The following EGFLAM variants were observed in gnomAD, a reference collection of about 807,000 sequenced individuals.
EGFLAM encodes the protein EGF like, fibronectin type III and laminin G domains.
A neutral mutation model predicts 113.1 loss-of-function variants in EGFLAM; 79 were observed. That is an observed-to-expected ratio of 0.70 (90% CI 0.58 to 0.84). The LOEUF is 0.84. EGFLAM is among the 40% of genes least tolerant of loss of function. The pLI is 0.00. For missense variants in EGFLAM, 1,265 were observed against 1,291.6 expected, an observed-to-expected ratio of 0.98 and a Z score of 0.32; for synonymous variants, 504 against 487.6, an observed-to-expected ratio of 1.03 and a Z score of -0.44.
intron 2 of EGFLAM, 70 bp from the exon 3 acceptor site, chr5:38,338,628 T>A: frequency 4.2e-6 from 6 of 1,435,890 alleles, no homozygotes; most frequent in Non-Finnish European, 4.9e-6. Flanking sequence ...CCACTGTGAG[T>A]GCAATTACAA....
chr5:38,268,401 G>A (rs1008434169), intron 1 of EGFLAM, among the ~76,000 whole-genome samples: 5 of 102,274 alleles, frequency 4.9e-5, no homozygotes, highest in African/African-American at 2.5e-4. Flanking sequence ...AGAAAAAGAA[G>A]TCTTGTGAGA....
chr5:38,359,916 T>C (rs982466494), intron 5 of EGFLAM, among the ~76,000 whole-genome samples: 1 of 152,162 alleles, frequency 6.6e-6, no homozygotes, highest in Non-Finnish European at 1.5e-5. Context: ...GAATTCATCT[T>C]CACACGGGGC....
intron 16 of EGFLAM, 92 bp from the exon 17 acceptor site, chr5:38,438,182 TG>T: frequency 7.3e-7 from 1 of 1,374,774 alleles, no homozygotes. Flanking sequence ...AATCTCCCTA[TG>T]TGTAGCTCAG....
At chr5:38,354,705 G>A (rs952623163) in intron 5 of EGFLAM, among the ~76,000 whole-genome samples, 1 of 152,280 alleles carries the variant, frequency 6.6e-6, no homozygotes, top group South Asian at 2.1e-4. Flanking sequence ...ACTCTAGCCT[G>A]GAGGACAGAG....
chr5:38,387,994 C>T (rs2112079928), intron 6 of EGFLAM, among the ~76,000 whole-genome samples: 1 of 152,238 alleles, frequency 6.6e-6, no homozygotes, highest in Non-Finnish European at 1.5e-5. Context: ...GGGACCCTCC[C>T]CAGCTTAGTT....
intron 6 of EGFLAM, among the ~76,000 whole-genome samples, chr5:38,385,636 T>C (rs906832691): frequency 2.0e-5 from 3 of 152,196 alleles, no homozygotes; most frequent in Non-Finnish European, 4.4e-5. Context: ...CATGTGCATA[T>C]GTGCAAATGT....
chr5:38,413,920 A>G (rs1298157248), intron 11 of EGFLAM, among the ~76,000 whole-genome samples: 1 of 152,212 alleles, frequency 6.6e-6, no homozygotes, highest in East Asian at 1.9e-4. Context: ...TCGCATGCGC[A>G]GTTCACAACA....
chr5:38,450,005 A>T (rs970074069), intron 18 of EGFLAM, among the ~76,000 whole-genome samples: 3 of 152,204 alleles, frequency 2.0e-5, no homozygotes, highest in African/African-American at 7.2e-5. Context: ...GATGACTCTG[A>T]CTACATCCAG....
intron 6 of EGFLAM, among the ~76,000 whole-genome samples, chr5:38,375,422 C>T (rs1353569072): frequency 6.6e-6 from 1 of 152,144 alleles, no homozygotes; most frequent in African/African-American, 2.4e-5. Flanking sequence ...CACTTTGCTC[C>T]TTGAACAGCC....
intron 1 of EGFLAM, among the ~76,000 whole-genome samples, chr5:38,297,084 G>A (rs2111813020): frequency 6.6e-6 from 1 of 152,258 alleles, no homozygotes; most frequent in South Asian, 2.1e-4. Context: ...AATCATAACA[G>A]CTAAATGTAA....
intron 1 of EGFLAM, among the ~76,000 whole-genome samples, chr5:38,318,114 G>A (rs1738647933): frequency 6.6e-6 from 1 of 152,056 alleles, no homozygotes; most frequent in Non-Finnish European, 1.5e-5. Context: ...CTGGGTAAAT[G>A]GGCCCTGCCT....
chr5:38,463,533 A>G (rs1419839048), intron 21 of EGFLAM, among the ~76,000 whole-genome samples: 1 of 152,238 alleles, frequency 6.6e-6, no homozygotes, highest in East Asian at 1.9e-4. Flanking sequence ...TTCAAAATTT[A>G]CTAGACACTA....
chr5:38,438,545 T>C, intron 17 of EGFLAM, 90 bp downstream of exon 17: 5 of 1,303,366 alleles, frequency 3.8e-6, no homozygotes, highest in Admixed American at 3.1e-5. Flanking sequence ...ATGGAAGAGT[T>C]GTAACAGTGG....
At chr5:38,306,131 A>T (rs1013566706) in intron 1 of EGFLAM, among the ~76,000 whole-genome samples, 3 of 152,248 alleles carry the variant, frequency 2.0e-5, no homozygotes, top group Non-Finnish European at 2.9e-5. Flanking sequence ...CTAATTCATC[A>T]TGGTGTCATT....
chr5:38,260,239 C>T (rs983811818), intron 1 of EGFLAM, among the ~76,000 whole-genome samples: 4 of 152,186 alleles, frequency 2.6e-5, no homozygotes, highest in Non-Finnish European at 5.9e-5. Context: ...AACCACATCA[C>T]GATCAATTGC....
chr5:38,417,347 C>CAAAAA (rs752613827), intron 11 of EGFLAM, among the ~76,000 whole-genome samples: 27 of 78,462 alleles, frequency 3.4e-4, no homozygotes, highest in East Asian at 4.8e-4. Context: ...GACTCTGTCT[C>CAAAAA]AAAAAAAAAA....
chr5:38,366,340 C>T (rs1740059726), intron 5 of EGFLAM, among the ~76,000 whole-genome samples: 1 of 152,164 alleles, frequency 6.6e-6, no homozygotes. Context: ...CCTACTGGTC[C>T]TTAGAGGTGC....
chr5:38,418,061 T>G lies in EGFLAM; in HGVS notation c.1495-5T>G. The G allele has an allele frequency of 6.2e-7, 1 of 1,606,836 alleles. No homozygotes were observed. Among genetic ancestry groups the G allele is most frequent in the Non-Finnish European group, 8.5e-7 (1 of 1,175,916 alleles). Reference sequence around the variant, plus strand: ...AGTATTCATGAGTGGTCATCTTTCTTAAAGGGCCAATACAGTAAAATTACT... The same window carrying G: ...AGTATTCATGAGTGGTCATCTTTCTGAAAGGGCCAATACAGTAAAATTACT... On this transcript the variant is annotated splice_region_variant and splice_polypyrimidine_tract_variant and intron_variant, in intron 11 of 21. Transcript: ENST00000322350.
At position 38,418,056 on chromosome 5, in the gene EGFLAM, T is replaced by G; in HGVS notation, c.1495-10T>G. The G allele has an allele frequency of 6.2e-7, 1 of 1,605,532 alleles. No homozygotes were observed. Among genetic ancestry groups the G allele is most frequent in the South Asian group, 1.1e-5 (1 of 90,228 alleles). ...GTGAGAGTATTCATGAGTGGTCATC[T>G]TTCTTAAAGGGCCAATACAGTAAAA... On this transcript the variant is annotated splice_polypyrimidine_tract_variant and intron_variant, in intron 11 of 21. Transcript: ENST00000322350.
Sources: gnomAD v4.1 joint callset for allele counts (sites outside exome capture counted in the v4.1 genomes callset) on GRCh38, gnomAD v4.1.1 for gene constraint, MANE v1.5 for transcripts, NCBI Gene and HGNC (gene_info 2026-07-23, HGNC 2026-07-21) for gene names.